Variants in CEP55 observed in about 807,000 individuals in gnomAD.
The protein encoded by CEP55 is centrosomal protein 55.
In CEP55, 57 loss-of-function variants were observed where a neutral mutation model predicts 63.2. The ratio of observed to expected loss-of-function variants is 0.90; its 90% CI spans 0.73 to 1.13. CEP55 has a LOEUF of 1.13. Ranked by LOEUF, CEP55 falls within the 50% of genes most tolerant of loss-of-function variation. The probability of loss-of-function intolerance (pLI) is 0.00; values close to 1 mark genes in which losing one functional copy is unlikely to be tolerated. For synonymous variants in CEP55, 178 were observed against 191.6 expected (o/e 0.93, Z 0.59); for missense variants, 456 against 518.9 (o/e 0.88, Z 1.18).
At chr10:93,514,184 C>T (rs1015636810) in intron 4 of CEP55, among the ~76,000 whole-genome samples, 9 of 152,112 alleles carry the variant, frequency 5.9e-5, no homozygotes, top group Non-Finnish European at 8.8e-5. Flanking sequence ...CCGCCCGCCT[C>T]GGCCTCCCAA....
chr10:93,510,704 GA>G (rs2057738074), intron 4 of CEP55: 2 of 152,292 alleles, frequency 1.3e-5, no homozygotes, highest in East Asian at 3.9e-4. Context: ...TCTTAAGAAC[GA>G]GGATACTCTT....
chr10:93,497,970 A>G (rs2057590331), intron 1 of CEP55, among the ~76,000 whole-genome samples: 1 of 152,038 alleles, frequency 6.6e-6, no homozygotes, highest in African/African-American at 2.4e-5. Context: ...AGATAAAAAA[A>G]AATTAGCCAG....
intron 8 of CEP55, among the ~76,000 whole-genome samples, chr10:93,523,702 C>T (rs540200990): frequency 1.3e-5 from 2 of 152,276 alleles, no homozygotes; most frequent in South Asian, 2.1e-4. Flanking sequence ...AAACACTCCT[C>T]AGCAAATGTA....
At chr10:93,516,853 C>A in intron 5 of CEP55, 82 bp from the exon 6 acceptor site, 1 of 948,936 alleles carries the variant, frequency 1.1e-6, no homozygotes, top group Non-Finnish European at 1.6e-6. Flanking sequence ...TAGTGTGATT[C>A]ATTTAGATGT....
At position 93,528,305 on chromosome 10, in the gene CEP55, C is replaced by A. The variant is rs2057945447; in HGVS notation, c.*152C>A. Reference sequence around the variant, plus strand: ...GCTAGTGAATCATGTATCTTTTAGGCTGCTGTGCATTTCTCTTGGCAGTGA... The same window carrying A: ...GCTAGTGAATCATGTATCTTTTAGGATGCTGTGCATTTCTCTTGGCAGTGA... On this transcript the variant is annotated 3_prime_UTR_variant, in exon 9 of 9. Coordinates refer to ENST00000371485, the MANE Select transcript of CEP55 (RefSeq NM_018131.5). The A allele has an allele frequency of 1.1e-5, 7 of 653,690 alleles. No individual in the cohort carries two copies. Among genetic ancestry groups the A allele is most frequent in the South Asian group, 3.9e-5 (2 of 51,948 alleles). The allele number at this position is 653,690 out of a possible 1,614,324, so 40.5% of individuals were successfully genotyped here.
At chr10:93,505,696 T>G (rs2134462709) in intron 3 of CEP55, among the ~76,000 whole-genome samples, 1 of 152,306 alleles carries the variant, frequency 6.6e-6, no homozygotes, top group Admixed American at 6.5e-5. Context: ...TTATAGCTAT[T>G]AAAAGACTGA....
chr10:93,512,201 G>T lies in CEP55; in HGVS notation c.529-3204G>T, dbSNP rs1318739463. On this transcript the variant is annotated intron_variant, in intron 4 of 8. Transcript: ENST00000371485. ...GAAATCATGCCACTGTATTCCAGCC[G>T]GGGCCACAGAGCGAGACTCCGTTTC... is the stretch of plus-strand genomic sequence containing the variant. Among the ~76,000 whole-genome samples, 18 of 119,648 alleles carry T rather than the reference G, an allele frequency of 1.5e-4. No individual in the cohort carries two copies. The Admixed American group carries it at 2.0e-3, about 13-fold the overall frequency. The allele number at this position is 119,648 out of a possible 152,430, so 78.5% of individuals were successfully genotyped here. A position where few individuals can be genotyped will look rare whatever the true frequency, so the allele number is the denominator to read the frequency against.
Position 93,500,039 on chromosome 10 carries a change from G to T in CEP55, c.-12-1G>T. 6.3e-7 allele frequency: 1 copy of T among 1,579,020 alleles called. No homozygotes were observed. Among genetic ancestry groups the T allele is most frequent in the South Asian group, 1.2e-5 (1 of 86,702 alleles). The stretch of plus-strand genomic sequence containing the variant: ...TATACAGTTGATTTTTATTTTTACA[G>T]ACCATTTCAGAGATGTCTTCCAGAA... On this transcript the variant is annotated splice_acceptor_variant, in intron 1 of 8. Coordinates refer to ENST00000371485, the MANE Select transcript of CEP55 (RefSeq NM_018131.5). LOFTEE classifies it low-confidence loss of function (5UTR_SPLICE).
At chr10:93,516,314 A>G (rs1438716389) in intron 5 of CEP55, among the ~76,000 whole-genome samples, 2 of 152,236 alleles carry the variant, frequency 1.3e-5, no homozygotes, top group East Asian at 3.8e-4. Flanking sequence ...CTAATGCTAA[A>G]AAGAAACTAT....
In CEP55 at chr10:93,527,976, A is replaced by G; in HGVS notation, c.1218A>G (p.Thr406=). 6.2e-7 allele frequency: 1 copy of G among 1,614,058 alleles called. No individual in the cohort carries two copies. The highest frequency in any genetic ancestry group is 8.5e-7 in the Non-Finnish European group (1 of 1,179,994). ...SLKQLHEFAI[T]EPLVTFQGET... ...AACAGCTTCATGAGTTTGCCATCAC[A>G]GAGCCATTAGTCACTTTCCAAGGAG... The change falls in exon 9 of 9, where the codon ACA becomes ACG. Residue 406 remains threonine, a synonymous_variant. Transcript: ENST00000371485.
chr10:93,517,377 G>T, intron 6 of CEP55, 129 bp downstream of exon 6: 1 of 644,134 alleles, frequency 1.6e-6, no homozygotes, highest in Non-Finnish European at 2.6e-6. Context: ...TTATATTCCA[G>T]AACAGAAACA....
intron 4 of CEP55, among the ~76,000 whole-genome samples, chr10:93,509,148 C>T (rs1054288785): frequency 6.6e-6 from 1 of 152,246 alleles, no homozygotes; most frequent in Admixed American, 6.5e-5. Context: ...CAGATATCAC[C>T]TGAGGGTATT....
intron 2 of CEP55, among the ~76,000 whole-genome samples, chr10:93,500,535 A>T (rs983032494): frequency 6.6e-6 from 1 of 152,220 alleles, no homozygotes; most frequent in African/African-American, 2.4e-5. Context: ...TTGCACCTTT[A>T]ACATGGTCTG....
rs2057942533 is a variant in CEP55 at position 93,528,060 on chromosome 10, T to C, written c.1302T>C (p.Asn434=). The change falls in exon 9 of 9, where the codon AAT becomes AAC. Residue 434 remains asparagine, a synonymous_variant. Coordinates refer to ENST00000371485, the MANE Select transcript of CEP55 (RefSeq NM_018131.5). ...ASPKSPTAAL[N]ESLVECPKCN... ...CAAAAAGTCCCACTGCTGCACTCAA[T>C]GAAAGCCTGGTGGAATGTCCCAAGT... 2 of 1,613,978 alleles carry C rather than the reference T, an allele frequency of 1.2e-6. No individual in the cohort carries two copies. The highest frequency in any genetic ancestry group is 1.7e-6 in the Non-Finnish European group (2 of 1,179,966).
chr10:93,501,523 G>A (rs545753349), intron 2 of CEP55, among the ~76,000 whole-genome samples: 17 of 152,198 alleles, frequency 1.1e-4, no homozygotes, highest in African/African-American at 3.9e-4. Context: ...ACAAAAATTA[G>A]CCGGATGTGT....
chr10:93,509,449 A>T lies in CEP55; in HGVS notation c.528+2393A>T, dbSNP rs2057720185. Among the ~76,000 whole-genome samples the T allele has an allele frequency of 2.1e-5, 3 of 144,856 alleles. 1 individual carries two copies. The South Asian group carries it at 6.7e-4, about 33-fold the overall frequency. ...TGCTGCTGCTGCTGGCCCTTGGACC[A>T]CGCTTTGAGAACCATTAACATTATT... On this transcript the variant is annotated intron_variant, in intron 4 of 8. Transcript: ENST00000371485.
At chr10:93,501,447 G>C (rs995034531) in intron 2 of CEP55, among the ~76,000 whole-genome samples, 6 of 152,130 alleles carry the variant, frequency 3.9e-5, no homozygotes, top group Non-Finnish European at 5.9e-5. Flanking sequence ...CCAGCACTTT[G>C]GGAGGCTGAG....
At chr10:93,498,749 G>A (rs180811104) in intron 1 of CEP55, among the ~76,000 whole-genome samples, 1 of 148,544 alleles carries the variant, frequency 6.7e-6, no homozygotes, top group South Asian at 2.1e-4. Flanking sequence ...ACCCTTGTTT[G>A]TTTCCTTGTT....
At chr10:93,520,867 A>G (rs529648333) in intron 8 of CEP55, among the ~76,000 whole-genome samples, 3 of 152,164 alleles carry the variant, frequency 2.0e-5, no homozygotes, top group Non-Finnish European at 4.4e-5. Flanking sequence ...TATATAATTG[A>G]TTTTACCCAT....
Sources: gnomAD v4.1 joint callset for allele counts (sites outside exome capture counted in the v4.1 genomes callset) on GRCh38, gnomAD v4.1.1 for gene constraint, MANE v1.5 for transcripts, NCBI Gene and HGNC (gene_info 2026-07-23, HGNC 2026-07-21) for gene names.